Variants in ISG20L2 observed in about 807,000 individuals in gnomAD.
ISG20L2 encodes the protein interferon stimulated exonuclease gene 20 like 2, also known as interferon-stimulated 20 kDa exonuclease-like 2.
In ISG20L2, 14 loss-of-function variants were observed where a neutral mutation model predicts 27.8. The observed-to-expected ratio is 0.50, with a 90% confidence interval of 0.33 to 0.79. The LOEUF is 0.79. ISG20L2 is among the 30% of genes least tolerant of loss of function. The pLI, the probability that ISG20L2 is intolerant of heterozygous loss-of-function variation, is 0.02. For missense variants in ISG20L2, 393 were observed against 435.1 expected, an observed-to-expected ratio of 0.90 and a Z score of 0.86; for synonymous variants, 157 against 165.7, an observed-to-expected ratio of 0.95 and a Z score of 0.40.
intron 2 of ISG20L2, chr1:156,724,752 G>A (rs1296306559): frequency 1.0e-6 from 1 of 983,684 alleles, no homozygotes; most frequent in Non-Finnish European, 1.2e-6. Context: ...GCTCCAGGGA[G>A]GCTAACAAAA....
At chr1:156,724,497 T>C (rs981906652) in intron 2 of ISG20L2, 149 bp from the exon 3 acceptor site, 2 of 1,412,086 alleles carry the variant, frequency 1.4e-6, no homozygotes, top group East Asian at 5.1e-5. Context: ...CCCACAAGTT[T>C]TCTTTCTTCT....
Position 156,727,213 on chromosome 1 carries a change from T to G in ISG20L2, c.440A>C (p.Lys147Thr). The change falls in exon 2 of 4, where the codon AAA becomes ACA. Residue 147 changes from lysine to threonine, a missense_variant. Transcript: ENST00000368219. ...QKKSSQKKSS[K>T]KNHPQKNAPQ... Reference sequence around the variant, plus strand: ...GGCATTCTTCTGAGGATGGTTCTTTTTAGAGGATTTCTTCTGGGAGCTCTT... The same window carrying G: ...GGCATTCTTCTGAGGATGGTTCTTTGTAGAGGATTTCTTCTGGGAGCTCTT... 1 of 1,613,996 alleles carries G rather than the reference T, an allele frequency of 6.2e-7. No individual in the cohort carries two copies. Among genetic ancestry groups the G allele is most frequent in the Non-Finnish European group, 8.5e-7 (1 of 1,180,018 alleles).
rs10908517 is a variant in ISG20L2, at chr1:156,728,554, C to A, written c.-257G>T. 0.2 allele frequency: 195,265 copies of A among 985,440 alleles called. 19,813 individuals are homozygous for A. Among genetic ancestry groups the A allele is most frequent in the Admixed American group, 0.21 (3,392 of 16,270 alleles). 61.0% of individuals were successfully genotyped at this position (985,440 alleles called of 1,614,324 possible). On this transcript the variant is annotated 5_prime_UTR_variant, in exon 1 of 4. Transcript: ENST00000368219. ...CGCGCGCACACCCGCACCGCCCCGA[C>A]CCCAGGTAGTGAGGCCAGTGATTCC... is the stretch of plus-strand genomic sequence containing the variant.
chr1:156,728,244 C>A (rs1002386765), intron 1 of ISG20L2, 171 bp downstream of exon 1: 116 of 985,844 alleles, frequency 1.2e-4, no homozygotes, highest in Non-Finnish European at 1.4e-4. Context: ...GGCTCCAGGC[C>A]GGAATTGGGG....
At chr1:156,724,373 G>A in intron 2 of ISG20L2, 25 bp from the exon 3 acceptor site, 1 of 1,584,084 alleles carries the variant, frequency 6.3e-7, no homozygotes, top group Non-Finnish European at 8.6e-7. Context: ...GGAAGAGAGT[G>A]GTGAGAAGGA....
chr1:156,723,450 C>T lies in ISG20L2; in HGVS notation c.961G>A (p.Gly321Arg), dbSNP rs1262986173. ...LNRDIQVGKS[G>R]HSSVEDAQAT... ...TGGGCATCTTCCACAGAGGAATGTC[C>T]GCTCTTCCCAACCTGAGCAAGCAAG... The change falls in exon 4 of 4, where the codon GGA (glycine) becomes AGA (arginine). Residue 321 changes from glycine (G) to arginine (R), a missense_variant. Around this residue, in one of 3 missense-constraint regions of ISG20L2, gnomAD observed 171 missense variants for 195.3 expected, o/e 0.88. Coordinates refer to ENST00000368219, the MANE Select transcript of ISG20L2 (RefSeq NM_001370150.2). 12 of 1,614,038 alleles carry T rather than the reference C, an allele frequency of 7.4e-6. No homozygotes were observed. The highest frequency in any genetic ancestry group is 2.2e-5 in the South Asian group (2 of 91,080).
intron 2 of ISG20L2, 94 bp downstream of exon 2, chr1:156,726,812 T>C (rs997801612): frequency 7.3e-5 from 110 of 1,514,002 alleles, no homozygotes; most frequent in Non-Finnish European, 9.1e-5. Flanking sequence ...TCCACAAACG[T>C]TGGTGTCTTC....
chr1:156,724,233 G>C lies in ISG20L2; in HGVS notation c.863C>G (p.Pro288Arg), dbSNP rs200161207. Reference protein sequence around the residue: ...SLTRDTSHIPPLNRKADCPEN... With the variant: ...SLTRDTSHIPRLNRKADCPEN... ...CGGGCAGTCAGCCTTCCGGTTGAGG[G>C]GGGGGATATGGGAGGTGTCACGGGT... is the stretch of plus-strand genomic sequence containing the variant. Residue 288 changes from proline (P) to arginine (R), a missense_variant, in exon 3 of 4, where the codon CCC becomes CGC. Physicochemically the swap from Pro to Arg is moderately radical, Grantham distance 103. This residue lies in a region of ISG20L2 where 171 missense variants were observed against 195.3 expected (regional missense o/e 0.88). Coordinates refer to ENST00000368219, the MANE Select transcript of ISG20L2 (RefSeq NM_001370150.2). 14 of 1,614,054 alleles carry C rather than the reference G, an allele frequency of 8.7e-6. No homozygotes were observed. In the South Asian group the frequency reaches 9.9e-5, roughly 11 times the overall value.
In ISG20L2 at chr1:156,725,879, A is replaced by G. The variant is rs74118750; in HGVS notation, c.747+1027T>C. 6.2e-4 allele frequency: 614 copies of G among 985,400 alleles called. 1 individual carries two copies. In the African/African-American group the frequency reaches 9.1e-3, roughly 15 times the overall value. 61.0% of individuals were successfully genotyped at this position (985,400 alleles called of 1,614,324 possible). On this transcript the variant is annotated intron_variant, in intron 2 of 3. Transcript: ENST00000368219. ...CCTCACCTCTAACGAACCTCCTCCA[A>G]CTGACCGCATATAAGGCATTATGGG...
chr1:156,725,356 T>C (rs1042782953), intron 2 of ISG20L2: 1 of 152,106 alleles, frequency 6.6e-6, no homozygotes, highest in African/African-American at 2.4e-5. Context: ...AACTCCTGAG[T>C]AGCTGGGATT....
chr1:156,726,581 G>T, intron 2 of ISG20L2: 1 of 807,436 alleles, frequency 1.2e-6, no homozygotes, highest in Non-Finnish European at 1.5e-6. Flanking sequence ...GATGAGTTCC[G>T]CTATGTTGCC....
Position 156,723,291 on chromosome 1 carries a change from C to A in ISG20L2, c.*58G>T. The stretch of plus-strand genomic sequence containing the variant: ...GGTGGAGCTGTCCATTGGTCCACTG[C>A]CCTGTTTCTCCTGGGTGCTGCCTCT... On this transcript the variant is annotated 3_prime_UTR_variant, in exon 4 of 4. Transcript: ENST00000368219. The A allele has an allele frequency of 6.2e-7, 1 of 1,605,922 alleles. No homozygotes were observed. The highest frequency in any genetic ancestry group is 8.5e-7 in the Non-Finnish European group (1 of 1,174,698).
rs752231565 is a variant in ISG20L2 at position 156,722,605 on chromosome 1, CT to C, written c.*743del. 27,639 of 125,778 alleles carry C rather than the reference CT, an allele frequency of 0.22. 2,635 individuals are homozygous for C. Among genetic ancestry groups the C allele is most frequent in the Middle Eastern group, 0.33 (69 of 208 alleles). The allele number at this position is 125,778 out of a possible 1,614,324, so 7.8% of individuals were successfully genotyped here. On this transcript the variant is annotated 3_prime_UTR_variant, in exon 4 of 4. Coordinates refer to ENST00000368219, the MANE Select transcript of ISG20L2 (RefSeq NM_001370150.2). Reference sequence around the variant, plus strand: ...TATTAACCAACCAGGTTAATAAATTCTTTTTTTTTTTTTTTGGAGACGGAGT... The same window carrying C: ...TATTAACCAACCAGGTTAATAAATTCTTTTTTTTTTTTTTGGAGACGGAGT...
At chr1:156,728,272 C>G (rs1648903108) in intron 1 of ISG20L2, 143 bp downstream of exon 1, 7 of 985,994 alleles carry the variant, frequency 7.1e-6, no homozygotes, top group Non-Finnish European at 8.4e-6. Context: ...CCGCATGCAT[C>G]TCACCCAAGT....
rs1363685883 is a variant in ISG20L2 at position 156,722,115 on chromosome 1, T to C, written c.*1234A>G. ...AAGCTACACTCTTACTTCTAATGCC[T>C]TGGAACCCTAAGGAGAACTAAAGCT... On this transcript the variant is annotated 3_prime_UTR_variant, in exon 4 of 4. Coordinates refer to ENST00000368219, the MANE Select transcript of ISG20L2 (RefSeq NM_001370150.2). The C allele has an allele frequency of 6.6e-6, 1 of 152,136 alleles. No homozygotes were observed. The highest frequency in any genetic ancestry group is 1.5e-5 in the Non-Finnish European group (1 of 68,010). The allele number at this position is 152,136 out of a possible 1,614,324, so 9.4% of individuals were successfully genotyped here.
chr1:156,724,687 G>A (rs763134843), intron 2 of ISG20L2: 62 of 1,047,468 alleles, frequency 5.9e-5, no homozygotes, highest in Non-Finnish European at 7.0e-5. Context: ...CTTGCTACAT[G>A]AAGTCCTTTA....
chr1:156,723,826 C>G lies in ISG20L2; in HGVS notation c.948+322G>C, dbSNP rs369932904. ...CCCATCTTCCTGCCAGATGGGCCACCCTTTGCTGAAATATAGCGTGTAAAA... is the reference window on the plus strand; with the variant it reads ...CCCATCTTCCTGCCAGATGGGCCACGCTTTGCTGAAATATAGCGTGTAAAA... On this transcript the variant is annotated intron_variant, in intron 3 of 3. Coordinates refer to ENST00000368219, the MANE Select transcript of ISG20L2 (RefSeq NM_001370150.2). 4.0e-4 allele frequency: 499 copies of G among 1,243,312 alleles called. 2 individuals are homozygous for G. In the African/African-American group the frequency reaches 6.3e-3, roughly 16 times the overall value. 77.0% of individuals were successfully genotyped at this position (1,243,312 alleles called of 1,614,324 possible). A position where few individuals can be genotyped will look rare whatever the true frequency, so the allele number is the denominator to read the frequency against.
chr1:156,725,928 A>G, intron 2 of ISG20L2: 1 of 985,536 alleles, frequency 1.0e-6, no homozygotes, highest in Non-Finnish European at 1.2e-6. Flanking sequence ...GAGAGGGCAG[A>G]GTGTGGACCT....
intron 2 of ISG20L2, 133 bp from the exon 3 acceptor site, chr1:156,724,481 C>T (rs1009738680): frequency 7.2e-7 from 1 of 1,396,814 alleles, no homozygotes; most frequent in Non-Finnish European, 9.4e-7. Context: ...CCTTGAAATG[C>T]TCACTCCCAC....
Sources: allele counts gnomAD v4.1 joint callset, GRCh38; gene constraint gnomAD v4.1.1; regional missense constraint gnomAD v4.1.1; transcripts MANE v1.5; gene names NCBI Gene and HGNC (gene_info 2026-07-23, HGNC 2026-07-21).